Variants in COLEC12 observed in about 807,000 individuals in gnomAD.
The protein encoded by COLEC12 is collectin-12.
In COLEC12, 33 loss-of-function variants were observed where a neutral mutation model predicts 71.1. That is an observed-to-expected ratio of 0.46 (90% CI 0.35 to 0.62). COLEC12 has a LOEUF of 0.62. Among genes scored for constraint, COLEC12 ranks in the 20% least tolerant of loss-of-function variants. The pLI, the probability that COLEC12 is intolerant of heterozygous loss-of-function variation, is 0.00. For synonymous variants in COLEC12, 350 were observed against 353.0 expected (o/e 0.99, Z 0.10); for missense variants, 765 against 916.1 (o/e 0.84, Z 2.13).
chr18:359,953 A>G (rs1344204154), intron 2 of COLEC12, among the ~76,000 whole-genome samples: 2 of 152,234 alleles, frequency 1.3e-5, no homozygotes, highest in Non-Finnish European at 2.9e-5. Flanking sequence ...GAGAAACAGC[A>G]TATAACAATG....
At chr18:469,345 T>C (rs868011010) in intron 2 of COLEC12, among the ~76,000 whole-genome samples, 12 of 152,250 alleles carry the variant, frequency 7.9e-5, no homozygotes, top group South Asian at 2.1e-4. Flanking sequence ...GTAGGTTGGC[T>C]GATATTTTTC....
At chr18:494,890 A>C (rs1917681654) in intron 1 of COLEC12, among the ~76,000 whole-genome samples, 1 of 152,188 alleles carries the variant, frequency 6.6e-6, no homozygotes, top group Non-Finnish European at 1.5e-5. Flanking sequence ...ATCATTCAGG[A>C]AGCATAAAGG....
At chr18:482,888 C>T (rs1351976590) in intron 1 of COLEC12, among the ~76,000 whole-genome samples, 1 of 152,060 alleles carries the variant, frequency 6.6e-6, no homozygotes, top group African/African-American at 2.4e-5. Context: ...GCTGGGACTA[C>T]AGATGTGAGC....
chr18:492,429 A>T (rs1211468661), intron 1 of COLEC12, among the ~76,000 whole-genome samples: 1 of 152,222 alleles, frequency 6.6e-6, no homozygotes, highest in African/African-American at 2.4e-5. Flanking sequence ...ACAGCCACCA[A>T]CTGCAAGAAC....
intron 2 of COLEC12, among the ~76,000 whole-genome samples, chr18:375,088 C>T (rs1313362408): frequency 6.6e-6 from 1 of 152,244 alleles, no homozygotes; most frequent in African/African-American, 2.4e-5. Flanking sequence ...GCAGCAGCTG[C>T]AGTGCACAAA....
At chr18:341,851 C>T (rs1914259421) in intron 5 of COLEC12, among the ~76,000 whole-genome samples, 1 of 152,122 alleles carries the variant, frequency 6.6e-6, no homozygotes, top group South Asian at 2.1e-4. Context: ...TGTTCTCACT[C>T]ATTAAATCTG....
chr18:433,723 A>G (rs1167652073), intron 2 of COLEC12, among the ~76,000 whole-genome samples: 1 of 152,166 alleles, frequency 6.6e-6, no homozygotes, highest in Non-Finnish European at 1.5e-5. Context: ...CTGTAATCCC[A>G]GCACTTTGGA....
intron 5 of COLEC12, among the ~76,000 whole-genome samples, chr18:341,558 C>T (rs1434242829): frequency 6.6e-6 from 1 of 152,168 alleles, no homozygotes; most frequent in African/African-American, 2.4e-5. Flanking sequence ...CATCCTTAAC[C>T]CCACCTGTGT....
chr18:417,398 T>C (rs1916008164), intron 2 of COLEC12, among the ~76,000 whole-genome samples: 1 of 152,228 alleles, frequency 6.6e-6, no homozygotes, highest in Non-Finnish European at 1.5e-5. Flanking sequence ...AGTCTGTCAT[T>C]GACCAAAACA....
chr18:320,718 A>G (rs1217544349), intron 9 of COLEC12, among the ~76,000 whole-genome samples: 4 of 152,210 alleles, frequency 2.6e-5, no homozygotes, highest in Non-Finnish European at 5.9e-5. Flanking sequence ...CATCACCCCA[A>G]AAAGAAACCC....
At chr18:446,023 C>A (rs1916642218) in intron 2 of COLEC12, among the ~76,000 whole-genome samples, 1 of 152,186 alleles carries the variant, frequency 6.6e-6, no homozygotes, top group Non-Finnish European at 1.5e-5. Flanking sequence ...TGGCTTCTTT[C>A]ACTCAGCATA....
intron 2 of COLEC12, among the ~76,000 whole-genome samples, chr18:442,197 G>C (rs1485615899): frequency 3.3e-5 from 5 of 152,106 alleles, no homozygotes; most frequent in African/African-American, 1.2e-4. Context: ...AAGTTACAGA[G>C]GTGTGAAATA....
chr18:494,020 T>C (rs1232128931), intron 1 of COLEC12, among the ~76,000 whole-genome samples: 1 of 152,126 alleles, frequency 6.6e-6, no homozygotes, highest in Admixed American at 6.6e-5. Flanking sequence ...GTAATCTAAA[T>C]ATACTTACAC....
chr18:372,479 G>A (rs956956808), intron 2 of COLEC12, among the ~76,000 whole-genome samples: 2 of 152,048 alleles, frequency 1.3e-5, no homozygotes, highest in Non-Finnish European at 2.9e-5. Flanking sequence ...GTGCAGTGGC[G>A]TGATCTTGGC....
chr18:450,520 T>A (rs1485071088), intron 2 of COLEC12, among the ~76,000 whole-genome samples: 1 of 152,198 alleles, frequency 6.6e-6, no homozygotes, highest in Non-Finnish European at 1.5e-5. Context: ...TGATTTTAAG[T>A]TTCCTGAGAC....
intron 2 of COLEC12, among the ~76,000 whole-genome samples, chr18:435,609 T>A (rs1196272457): frequency 1.3e-5 from 2 of 152,242 alleles, no homozygotes; most frequent in Admixed American, 1.3e-4. Flanking sequence ...TCTCTCTCTC[T>A]CTCTCTATCT....
intron 2 of COLEC12, among the ~76,000 whole-genome samples, chr18:419,230 CTTGCTCTG>C (rs553431306): frequency 2.7e-5 from 4 of 149,866 alleles, no homozygotes; most frequent in Admixed American, 6.6e-5. Context: ...GAGATGGAGT[CTTGCTCTG>C]TTGCTCTGTT....
rs552298729 is a variant in COLEC12 at position 425,009 on chromosome 18, T to G, written c.58+55698A>C. 8.0e-5 allele frequency among the ~76,000 whole-genome samples: 12 copies of G among 149,980 alleles called. No homozygotes were observed. In the South Asian group the frequency reaches 2.5e-3, roughly 31 times the overall value. ...TAAGCAAGGCAGGACAATAGAGGTG[T>G]GGTTTCCTGTACTTGGTTTTTTTCC... On this transcript the variant is annotated intron_variant, in intron 2 of 9. Transcript: ENST00000400256.
chr18:485,965 T>C (rs879832294), intron 1 of COLEC12, among the ~76,000 whole-genome samples: 15 of 152,218 alleles, frequency 9.9e-5, no homozygotes, highest in Non-Finnish European at 2.1e-4. Context: ...AACACATTTA[T>C]GATGCATGAT....
Sources: gnomAD v4.1 joint callset for allele counts (sites outside exome capture counted in the v4.1 genomes callset) on GRCh38, gnomAD v4.1.1 for gene constraint, MANE v1.5 for transcripts, NCBI Gene and HGNC (gene_info 2026-07-23, HGNC 2026-07-21) for gene names.